The following SPIDR variants were observed in gnomAD, a reference collection of about 807,000 sequenced individuals.
The protein encoded by SPIDR is scaffold protein involved in DNA repair, also known as DNA repair-scaffolding protein.
Under a neutral mutation model 104.6 loss-of-function variants are expected in SPIDR, and 93 were observed. The observed-to-expected ratio is 0.89, with a 90% confidence interval of 0.75 to 1.06. The LOEUF (loss-of-function observed/expected upper bound fraction) is 1.06. Ranked by LOEUF, SPIDR falls within the 50% of genes least tolerant of loss-of-function variation. SPIDR has a pLI of 0.00. For missense variants in SPIDR, 1,154 were observed against 1,111.2 expected, an observed-to-expected ratio of 1.04 and a Z score of -0.55; for synonymous variants, 431 against 416.9, an observed-to-expected ratio of 1.03 and a Z score of -0.41.
intron 10 of SPIDR, among the ~76,000 whole-genome samples, chr8:47,625,562 C>T (rs1380460699): frequency 6.6e-6 from 1 of 152,058 alleles, no homozygotes; most frequent in African/African-American, 2.4e-5. Context: ...AATCAATGTG[C>T]AAAAATCACA....
Position 47,260,974 on chromosome 8 carries a change from C to A in SPIDR, c.16C>A (p.Arg6Ser), listed in dbSNP as rs986045380. 87 of 1,230,328 alleles carry A rather than the reference C, an allele frequency of 7.1e-5. No homozygotes were observed. The highest frequency in any genetic ancestry group is 8.6e-5 in the Non-Finnish European group (85 of 986,888). The allele number at this position is 1,230,328 out of a possible 1,614,324, so 76.2% of individuals were successfully genotyped here. MPRGS[R>S]ARGSKRKRSW... Reference sequence around the variant, plus strand: ...GCTCCCGGAGATGCCCCGCGGCAGCCGCGCTCGGGGCTCTAAGGTAGGCTC... The same window carrying A: ...GCTCCCGGAGATGCCCCGCGGCAGCAGCGCTCGGGGCTCTAAGGTAGGCTC... Residue 6 changes from arginine to serine, a missense_variant, in exon 1 of 20, where the codon CGC (arginine) becomes AGC (serine). Transcript: ENST00000297423.
chr8:47,707,344 A>G (rs1454957980), intron 14 of SPIDR, among the ~76,000 whole-genome samples: 4 of 152,178 alleles, frequency 2.6e-5, no homozygotes, highest in African/African-American at 9.7e-5. Context: ...ATAATGTTGA[A>G]CATCTTTTCA....
At chr8:47,392,290 T>A (rs1406547312) in intron 5 of SPIDR, among the ~76,000 whole-genome samples, 4 of 152,054 alleles carry the variant, frequency 2.6e-5, no homozygotes, top group African/African-American at 9.7e-5. Flanking sequence ...AGTGTTCGAG[T>A]CAGACACCAC....
chr8:47,359,957 A>G (rs1291550018), intron 5 of SPIDR, among the ~76,000 whole-genome samples: 1 of 152,110 alleles, frequency 6.6e-6, no homozygotes, highest in East Asian at 1.9e-4. Context: ...AAATAGAGGG[A>G]CTGGGCTGGG....
chr8:47,411,741 C>G (rs1199371730), intron 7 of SPIDR, among the ~76,000 whole-genome samples: 15 of 152,164 alleles, frequency 9.9e-5, no homozygotes, highest in Non-Finnish European at 8.8e-5. Flanking sequence ...TGCCCATGTC[C>G]TGAATGGTAT....
At chr8:47,488,956 C>T (rs1404501768) in intron 8 of SPIDR, among the ~76,000 whole-genome samples, 2 of 152,152 alleles carry the variant, frequency 1.3e-5, no homozygotes, top group Non-Finnish European at 1.5e-5. Context: ...CAGGGATGCC[C>T]TCTCTCACCA....
chr8:47,517,465 A>G (rs2083340392), intron 8 of SPIDR, among the ~76,000 whole-genome samples: 1 of 152,148 alleles, frequency 6.6e-6, no homozygotes, highest in Non-Finnish European at 1.5e-5. Context: ...ATCCATGGCC[A>G]CAGATGTCCC....
intron 5 of SPIDR, among the ~76,000 whole-genome samples, chr8:47,313,209 A>C (rs587755091): frequency 6.6e-6 from 1 of 152,350 alleles, no homozygotes; most frequent in African/African-American, 2.4e-5. Flanking sequence ...CAACTTCAGC[A>C]AAGTCTCAGG....
chr8:47,421,364 C>T (rs558471508), intron 7 of SPIDR, among the ~76,000 whole-genome samples: 61 of 152,142 alleles, frequency 4.0e-4, no homozygotes, highest in Non-Finnish European at 5.7e-4. Flanking sequence ...TTCATTTTAT[C>T]TTCCATCACT....
chr8:47,559,304 A>G (rs1395642982), intron 8 of SPIDR, among the ~76,000 whole-genome samples: 1 of 152,270 alleles, frequency 6.6e-6, no homozygotes, highest in East Asian at 1.9e-4. Context: ...ACATTTAACC[A>G]TCCATAAGTA....
intron 8 of SPIDR, among the ~76,000 whole-genome samples, chr8:47,488,136 T>C (rs1454114388): frequency 6.6e-6 from 1 of 151,470 alleles, no homozygotes; most frequent in African/African-American, 2.4e-5. Context: ...GAGAGAAGAA[T>C]CAGATAGACA....
intron 3 of SPIDR, among the ~76,000 whole-genome samples, chr8:47,285,249 C>A (rs1312208554): frequency 3.3e-5 from 5 of 152,140 alleles, no homozygotes; most frequent in African/African-American, 1.2e-4. Flanking sequence ...ACATTCTAAA[C>A]CATGTTACTA....
intron 9 of SPIDR, among the ~76,000 whole-genome samples, chr8:47,597,174 G>A (rs940956785): frequency 2.0e-5 from 3 of 152,082 alleles, no homozygotes; most frequent in Admixed American, 6.5e-5. Flanking sequence ...ATTAGATACT[G>A]TACATAACAG....
intron 10 of SPIDR, among the ~76,000 whole-genome samples, chr8:47,655,480 GA>G (rs1245912568): frequency 6.6e-6 from 1 of 152,218 alleles, no homozygotes; most frequent in Non-Finnish European, 1.5e-5. Flanking sequence ...GGCCAGTGAT[GA>G]TGAGCATTTT....
chr8:47,497,674 A>G (rs919945356), intron 8 of SPIDR, among the ~76,000 whole-genome samples: 2 of 152,218 alleles, frequency 1.3e-5, no homozygotes, highest in Admixed American at 6.5e-5. Flanking sequence ...TTCATTTAGC[A>G]TAACCATAGC....
chr8:47,594,049 T>A (rs1342531630), intron 8 of SPIDR, among the ~76,000 whole-genome samples: 1 of 151,804 alleles, frequency 6.6e-6, no homozygotes, highest in Admixed American at 6.6e-5. Context: ...AGGGGAGTAC[T>A]CGTTGCAGGC....
At chr8:47,322,144 C>T (rs1352666867) in intron 5 of SPIDR, among the ~76,000 whole-genome samples, 1 of 152,180 alleles carries the variant, frequency 6.6e-6, no homozygotes, top group African/African-American at 2.4e-5. Flanking sequence ...AAACTACCAT[C>T]TGAGTGAACA....
intron 8 of SPIDR, among the ~76,000 whole-genome samples, chr8:47,461,975 G>T (rs531547029): frequency 6.6e-6 from 1 of 151,832 alleles, no homozygotes; most frequent in African/African-American, 2.4e-5. Context: ...ATTTTTGGGG[G>T]GTGTTAAAGC....
At chr8:47,450,571 T>C (rs573674798) in intron 8 of SPIDR, among the ~76,000 whole-genome samples, 3 of 152,246 alleles carry the variant, frequency 2.0e-5, no homozygotes, top group Non-Finnish European at 4.4e-5. Context: ...TACCAGTTGT[T>C]GTATTGTAGG....
Sources: allele counts gnomAD v4.1 joint callset (sites outside exome capture counted in the v4.1 genomes callset), GRCh38; gene constraint gnomAD v4.1.1; transcripts MANE v1.5; gene names NCBI Gene and HGNC (gene_info 2026-07-23, HGNC 2026-07-21).